Variants in CELF2 observed in about 807,000 individuals in gnomAD.
CELF2 encodes CUG triplet repeat RNA-binding protein 2.
A neutral mutation model predicts 62.6 loss-of-function variants in CELF2; 8 were observed. That is an observed-to-expected ratio of 0.13 (90% CI 0.07 to 0.23). The LOEUF is 0.23. CELF2 is among the 10% of genes least tolerant of loss of function. The probability of loss-of-function intolerance (pLI) is 1.00; values close to 1 mark genes in which losing one functional copy is unlikely to be tolerated. For missense variants in CELF2, 333 were observed against 671.0 expected, an observed-to-expected ratio of 0.50 and a Z score of 5.56; for synonymous variants, 258 against 250.0, an observed-to-expected ratio of 1.03 and a Z score of -0.30.
At chr10:10,522,884 A>G in the CELF2 span, among the ~76,000 whole-genome samples, 2 of 152,154 alleles carry the variant, frequency 1.3e-5, no homozygotes, top group African/African-American at 4.8e-5. Context: ...GAAGGTTACT[A>G]TTAATCATAT....
the CELF2 span, among the ~76,000 whole-genome samples, chr10:10,507,973 G>A: frequency 6.6e-6 from 1 of 152,160 alleles, no homozygotes; most frequent in Admixed American, 6.5e-5. Context: ...ATGAAATAAA[G>A]TAGATAAACT....
At chr10:10,546,080 C>A in the CELF2 span, among the ~76,000 whole-genome samples, 7 of 152,136 alleles carry the variant, frequency 4.6e-5, no homozygotes, top group Non-Finnish European at 1.5e-5. Flanking sequence ...AGAAATCTGA[C>A]AAGCACTTAA....
intron 2 of CELF2, among the ~76,000 whole-genome samples, chr10:11,197,016 GAAAGAAAGAAAAGAA>G: frequency 8.2e-5 from 1 of 12,164 alleles, no homozygotes; most frequent in East Asian, 5.8e-4. Flanking sequence ...AAGAAAGAAA[GAAAGAAAGAAAAGAA>G]AGAAAGAAAG....
the CELF2 span, among the ~76,000 whole-genome samples, chr10:10,753,552 A>C: frequency 1.3e-5 from 2 of 152,182 alleles, no homozygotes; most frequent in African/African-American, 4.8e-5. Context: ...CCAGACCAGA[A>C]ATGTATCCAA....
the CELF2 span, among the ~76,000 whole-genome samples, chr10:10,706,413 C>T: frequency 2.0e-5 from 3 of 152,184 alleles, no homozygotes; most frequent in Non-Finnish European, 4.4e-5. Flanking sequence ...GTTCATATGA[C>T]TACTCCTGGC....
intron 1 of CELF2, among the ~76,000 whole-genome samples, chr10:11,116,666 T>G (rs2143687379): frequency 6.6e-6 from 1 of 152,326 alleles, no homozygotes. Flanking sequence ...TCCCTTCACT[T>G]GTTAAATTCA....
chr10:10,778,832 T>A, the CELF2 span, among the ~76,000 whole-genome samples: 1 of 152,156 alleles, frequency 6.6e-6, no homozygotes, highest in Non-Finnish European at 1.5e-5. Flanking sequence ...TATGGTGCAA[T>A]GGGATTGCAG....
chr10:10,662,842 A>G, the CELF2 span, among the ~76,000 whole-genome samples: 34 of 152,322 alleles, frequency 2.2e-4, no homozygotes, highest in South Asian at 6.8e-3. Flanking sequence ...GAAAAAGAGA[A>G]GTGTCACTAC....
intron 2 of CELF2, among the ~76,000 whole-genome samples, chr10:11,183,488 G>A (rs1053660279): frequency 1.3e-5 from 2 of 152,222 alleles, no homozygotes; most frequent in Non-Finnish European, 2.9e-5. Flanking sequence ...GTATCATATA[G>A]TAGGTTTATA....
the CELF2 span, among the ~76,000 whole-genome samples, chr10:10,630,131 A>G: frequency 6.6e-6 from 1 of 152,228 alleles, no homozygotes; most frequent in East Asian, 1.9e-4. Context: ...GCTTCCTCTA[A>G]TGCAATAATT....
At chr10:10,732,313 A>C in the CELF2 span, among the ~76,000 whole-genome samples, 9 of 152,178 alleles carry the variant, frequency 5.9e-5, no homozygotes, top group African/African-American at 2.2e-4. Context: ...GCATGTAGAC[A>C]CTGAGCACAA....
the CELF2 span, among the ~76,000 whole-genome samples, chr10:10,730,536 A>T: frequency 9.8e-5 from 15 of 152,336 alleles, 1 homozygote; most frequent in East Asian, 7.7e-4. Context: ...AGCATGTAGC[A>T]CTGTAACTTC....
At chr10:10,862,998 T>C (rs2060133523) in intron 1 of CELF2, among the ~76,000 whole-genome samples, 2 of 152,164 alleles carry the variant, frequency 1.3e-5, no homozygotes, top group African/African-American at 4.8e-5. Context: ...GGATGTGTCA[T>C]CTACATAGAC....
chr10:10,573,234 T>G, the CELF2 span, among the ~76,000 whole-genome samples: 6 of 152,332 alleles, frequency 3.9e-5, no homozygotes, highest in East Asian at 1.2e-3. Context: ...TTTAAGTTCC[T>G]TGTAGATTCT....
At chr10:11,167,152 C>G (rs1055975513) in intron 2 of CELF2, among the ~76,000 whole-genome samples, 5 of 152,274 alleles carry the variant, frequency 3.3e-5, no homozygotes, top group African/African-American at 1.2e-4. Flanking sequence ...TATTAAATAC[C>G]TTTATTGGAC....
chr10:11,172,308 G>T (rs750780442), intron 2 of CELF2, among the ~76,000 whole-genome samples: 4 of 152,168 alleles, frequency 2.6e-5, no homozygotes, highest in Non-Finnish European at 5.9e-5. Flanking sequence ...ATAAAATGCA[G>T]TCAGAATTTT....
chr10:10,781,780 C>A, the CELF2 span, among the ~76,000 whole-genome samples: 1,083 of 152,272 alleles, frequency 7.1e-3, 17 homozygotes, highest in African/African-American at 0.025. Flanking sequence ...GACAAAATCA[C>A]CTACAGACAC....
chr10:11,236,255 T>C (rs530492191), intron 3 of CELF2, among the ~76,000 whole-genome samples: 2 of 152,332 alleles, frequency 1.3e-5, no homozygotes, highest in South Asian at 4.1e-4. Context: ...CGGCTTAAAT[T>C]TTCCAAGTTA....
chr10:10,907,405 A>G (rs1332972887), intron 1 of CELF2, among the ~76,000 whole-genome samples: 1 of 152,250 alleles, frequency 6.6e-6, no homozygotes, highest in African/African-American at 2.4e-5. Flanking sequence ...CTTTTAAAAA[A>G]AGTTTTATTA....
Sources: allele counts gnomAD v4.1 joint callset (sites outside exome capture counted in the v4.1 genomes callset), GRCh38; gene constraint gnomAD v4.1.1; transcripts MANE v1.5; gene names NCBI Gene and HGNC (gene_info 2026-07-23, HGNC 2026-07-21).